Variants in SUCLG2 observed in about 807,000 individuals in gnomAD.
SUCLG2 encodes succinate-CoA ligase GDP-forming subunit beta, also known as succinate--CoA ligase [GDP-forming] subunit beta, mitochondrial.
SUCLG2 carries 42 observed loss-of-function variants against 47.9 expected under a neutral mutation model. The observed-to-expected ratio is 0.88, with a 90% CI of 0.69 to 1.14. The LOEUF (loss-of-function observed/expected upper bound fraction) is 1.14, where lower values mean the gene tolerates loss of function less well. Ranked by LOEUF, SUCLG2 falls within the 50% of genes most tolerant of loss-of-function variation. The pLI is 0.00. For missense variants in SUCLG2, 571 were observed against 525.9 expected (o/e 1.09, Z -0.84); for synonymous variants, 195 against 197.3 (o/e 0.99, Z 0.10).
At chr3:67,388,561 T>C (rs1403289826) in intron 10 of SUCLG2, among the ~76,000 whole-genome samples, 2 of 152,212 alleles carry the variant, frequency 1.3e-5, no homozygotes, top group East Asian at 1.9e-4. Flanking sequence ...AAGCATTCTG[T>C]TATAACTGTA....
chr3:67,373,343 G>A (rs572790628), downstream of SUCLG2, among the ~76,000 whole-genome samples: 1 of 151,988 alleles, frequency 6.6e-6, no homozygotes, highest in African/African-American at 2.4e-5. Context: ...TTAATTCTTG[G>A]AGGAGGGGAT....
At chr3:67,512,241 T>C (rs1705813254) in intron 6 of SUCLG2, among the ~76,000 whole-genome samples, 1 of 151,304 alleles carries the variant, frequency 6.6e-6, no homozygotes, top group South Asian at 2.1e-4. Context: ...TCTGAGAGTA[T>C]TTTTAAAAAT....
At chr3:67,393,638 A>C (rs965752658) in intron 10 of SUCLG2, among the ~76,000 whole-genome samples, 31 of 152,226 alleles carry the variant, frequency 2.0e-4, no homozygotes, top group Non-Finnish European at 4.1e-4. Context: ...GCAGACTTTA[A>C]TGTCCCTGTC....
At chr3:67,462,520 C>G (rs1422898460) in intron 9 of SUCLG2, among the ~76,000 whole-genome samples, 1 of 152,188 alleles carries the variant, frequency 6.6e-6, no homozygotes. Context: ...AGCTTCTGGA[C>G]GGCTGAATGC....
chr3:67,394,996 C>A (rs955267443), intron 10 of SUCLG2, among the ~76,000 whole-genome samples: 72 of 151,984 alleles, frequency 4.7e-4, no homozygotes, highest in Admixed American at 9.2e-4. Context: ...ACCACCAGGC[C>A]TGCCCTAAAA....
intron 2 of SUCLG2, among the ~76,000 whole-genome samples, chr3:67,559,242 A>G (rs1345057662): frequency 1.3e-5 from 2 of 152,206 alleles, no homozygotes; most frequent in African/African-American, 4.8e-5. Flanking sequence ...CGATTGTAGT[A>G]TGAACGAGTA....
chr3:67,654,017 T>C (rs1701335828), intron 1 of SUCLG2, among the ~76,000 whole-genome samples: 1 of 152,226 alleles, frequency 6.6e-6, no homozygotes, highest in Admixed American at 6.5e-5. Context: ...CAAAAGCAGG[T>C]AGCCTGCAGG....
intron 9 of SUCLG2, among the ~76,000 whole-genome samples, chr3:67,482,033 A>T (rs9821884): frequency 3.3e-5 from 5 of 152,066 alleles, no homozygotes; most frequent in Non-Finnish European, 5.9e-5. Flanking sequence ...TACAAAAATT[A>T]GCTGGGCATG....
At chr3:67,631,464 C>T (rs891735183) in intron 1 of SUCLG2, among the ~76,000 whole-genome samples, 1 of 151,876 alleles carries the variant, frequency 6.6e-6, no homozygotes, top group Non-Finnish European at 1.5e-5. Flanking sequence ...CCCGTCTCTA[C>T]CAAAAATACA....
chr3:67,374,936 A>G lies in SUCLG2; in HGVS notation c.*808T>C, dbSNP rs566867532. 2,878 of 985,712 alleles carry G rather than the reference A, an allele frequency of 2.9e-3. 6 individuals are homozygous for G. The highest frequency in any genetic ancestry group is 5.0e-3 in the Admixed American group (82 of 16,268). 61.1% of individuals were successfully genotyped at this position (985,712 alleles called of 1,614,324 possible). On this transcript the variant is annotated 3_prime_UTR_variant, in exon 11 of 11. Coordinates refer to ENST00000307227, the MANE Select transcript of SUCLG2 (RefSeq NM_003848.4). ...AACGAGGAGAGAAGATAGTGATACT[A>G]AACACAATTTGATCTTCAGTGTTGT...
intron 2 of SUCLG2, among the ~76,000 whole-genome samples, chr3:67,576,099 G>A (rs1382567407): frequency 1.3e-5 from 2 of 152,152 alleles, no homozygotes; most frequent in African/African-American, 4.8e-5. Context: ...TGGAAAAGAT[G>A]GGTCTCCTTG....
intron 2 of SUCLG2, among the ~76,000 whole-genome samples, chr3:67,568,865 C>T (rs1024947001): frequency 6.6e-6 from 1 of 151,766 alleles, no homozygotes; most frequent in Non-Finnish European, 1.5e-5. Flanking sequence ...CCAGCCTGGG[C>T]GACAGAGCGA....
intron 9 of SUCLG2, among the ~76,000 whole-genome samples, chr3:67,479,414 T>C (rs899838770): frequency 6.6e-6 from 1 of 152,202 alleles, no homozygotes; most frequent in African/African-American, 2.4e-5. Context: ...TCATTATGAA[T>C]CAATTTTCTT....
intron 10 of SUCLG2, among the ~76,000 whole-genome samples, chr3:67,386,817 A>G (rs945659346): frequency 5.9e-5 from 9 of 152,188 alleles, no homozygotes; most frequent in Non-Finnish European, 1.2e-4. Flanking sequence ...CATTCTTGGA[A>G]CAGCTCAGTT....
At chr3:67,636,063 C>T (rs1033952627) in intron 1 of SUCLG2, among the ~76,000 whole-genome samples, 1 of 152,146 alleles carries the variant, frequency 6.6e-6, no homozygotes, top group East Asian at 1.9e-4. Context: ...TTCTATTCCA[C>T]ATAGCCAGGG....
chr3:67,422,473 CAAAAAAAAAAAAAA>C lies in SUCLG2; in HGVS notation c.1063-21636_1063-21623del, dbSNP rs58345420. 3.5e-3 allele frequency among the ~76,000 whole-genome samples: 108 copies of C among 30,670 alleles called. 1 individual carries two copies. The highest frequency in any genetic ancestry group is 7.9e-3 in the African/African-American group (55 of 6,958). The allele number at this position is 30,670 out of a possible 152,430, so 20.1% of individuals were successfully genotyped here. On this transcript the variant is annotated intron_variant, in intron 9 of 10. Coordinates refer to ENST00000307227, the MANE Select transcript of SUCLG2 (RefSeq NM_003848.4). The stretch of plus-strand genomic sequence containing the variant: ...CTGGTGACAGAGCGAGACTCCATCT[CAAAAAAAAAAAAAA>C]AAAAAAAAAAAAAAAAGAACATTCA...
intron 10 of SUCLG2, among the ~76,000 whole-genome samples, chr3:67,366,183 C>T (rs78801402): frequency 0.083 from 12,652 of 152,090 alleles, 673 homozygotes; most frequent in Middle Eastern, 0.14. Context: ...GAAACTTGGT[C>T]GGGCGCAGTG....
intron 9 of SUCLG2, among the ~76,000 whole-genome samples, chr3:67,480,673 A>G (rs1273315190): frequency 2.0e-5 from 3 of 152,164 alleles, no homozygotes; most frequent in African/African-American, 7.2e-5. Context: ...ATGAGCTTCC[A>G]CAGAAAACCC....
chr3:67,454,262 G>A (rs1332045790), intron 9 of SUCLG2, among the ~76,000 whole-genome samples: 1 of 151,998 alleles, frequency 6.6e-6, no homozygotes. Flanking sequence ...AACAGTAGCT[G>A]GTATATAGAG....
Sources: allele counts gnomAD v4.1 joint callset (sites outside exome capture counted in the v4.1 genomes callset), GRCh38; gene constraint gnomAD v4.1.1; transcripts MANE v1.5; gene names NCBI Gene and HGNC (gene_info 2026-07-23, HGNC 2026-07-21).